The following TRMT2B variants were observed in gnomAD, a reference collection of about 807,000 sequenced individuals.
TRMT2B encodes tRNA (uracil-5-)-methyltransferase homolog B.
A neutral mutation model predicts 39.7 loss-of-function variants in TRMT2B; 34 were observed. The ratio of observed to expected loss-of-function variants is 0.86; its 90% CI spans 0.65 to 1.14. The LOEUF (loss-of-function observed/expected upper bound fraction) is 1.14, where lower values mean the gene tolerates loss of function less well. Among genes scored for constraint, TRMT2B ranks in the 50% most tolerant of loss-of-function variants. TRMT2B has a pLI of 0.00. For synonymous variants in TRMT2B, 132 were observed against 137.3 expected (o/e 0.96, Z 0.27); for missense variants, 318 against 377.2 (o/e 0.84, Z 1.30).
At chrX:100,990,342 T>A in the TRMT2B span, 1 of 924,057 alleles carries the variant, frequency 1.1e-6, no homozygotes, top group Non-Finnish European at 1.3e-6. Flanking sequence ...ACAGAGAAAG[T>A]AAAAGAAAGT....
chrX:100,997,214 C>T, the TRMT2B span, among the ~76,000 whole-genome samples: 427 of 111,812 alleles, frequency 3.8e-3, 2 homozygotes, highest in African/African-American at 0.013. Context: ...AGCTTTCAAT[C>T]AGTATATTTA....
At chrX:100,976,763 T>C in the TRMT2B span, among the ~76,000 whole-genome samples, 3 of 112,305 alleles carry the variant, frequency 2.7e-5, no homozygotes, top group Admixed American at 2.8e-4. Context: ...AGGCATGTGC[T>C]AACTTTTTGT....
chrX:101,033,780 G>T (rs181956843), intron 7 of TRMT2B, among the ~76,000 whole-genome samples: 840 of 110,099 alleles, frequency 7.6e-3, no homozygotes, highest in Non-Finnish European at 0.011. Context: ...GCAGAACAAT[G>T]TATACAGTAG....
chrX:101,021,994 G>A lies in TRMT2B; in HGVS notation c.825C>T (p.Gly275=). 1 of 1,210,078 alleles carries A rather than the reference G, an allele frequency of 8.3e-7. No homozygotes were observed. ...FFIRGPGAAC[G]LTSLYFQEST... is the part of the protein sequence containing the mutation. ...TTTCCTGGAAGTAAAGTGAGGTCAA[G>A]CCACAGGCTGCTCCAGGACCTCTGA... Residue 275 remains glycine (G), a synonymous_variant, in exon 9 of 14, where the codon GGC becomes GGT. Coordinates refer to ENST00000372936, the MANE Select transcript of TRMT2B (RefSeq NM_024917.6).
the TRMT2B span, chrX:100,988,072 GCT>G: frequency 3.8e-6 from 2 of 519,866 alleles, no homozygotes; most frequent in Non-Finnish European, 6.4e-6. Context: ...ACATCCTCTT[GCT>G]CTGTTGTCAC....
At chrX:101,001,847 AG>A in the TRMT2B span, among the ~76,000 whole-genome samples, 1 of 104,258 alleles carries the variant, frequency 9.6e-6, no homozygotes, top group South Asian at 4.3e-4. Flanking sequence ...AAAAAAAAGC[AG>A]GGGGAAACAA....
chrX:101,045,767 C>T (rs1457760851), intron 2 of TRMT2B, among the ~76,000 whole-genome samples: 1 of 109,371 alleles, frequency 9.1e-6, no homozygotes. Context: ...CACTGCATTC[C>T]AGCCTAGGTG....
At chrX:100,990,586 T>G in the TRMT2B span, 1 of 1,159,789 alleles carries the variant, frequency 8.6e-7, no homozygotes, top group Non-Finnish European at 1.2e-6. Context: ...CTATACTCAC[T>G]GAGAGGCTCA....
chrX:101,024,437 T>A (rs2086956695), intron 7 of TRMT2B, among the ~76,000 whole-genome samples: 1 of 112,045 alleles, frequency 8.9e-6, no homozygotes, highest in South Asian at 3.7e-4. Flanking sequence ...GGCTCAAACC[T>A]GTAATCCTAG....
chrX:100,987,007 C>T, the TRMT2B span: 1 of 474,654 alleles, frequency 2.1e-6, no homozygotes, highest in Admixed American at 4.5e-5. Flanking sequence ...CAAAGTCTCT[C>T]CCTGTCAGGC....
At chrX:101,023,723 A>G (rs2086909915) in intron 7 of TRMT2B, 107 bp from the exon 8 acceptor site, 1 of 810,000 alleles carries the variant, frequency 1.2e-6, no homozygotes, top group Non-Finnish European at 1.7e-6. Context: ...AAAAATTCCT[A>G]TGTTGAAGCC....
At chrX:100,990,989 T>A in the TRMT2B span, among the ~76,000 whole-genome samples, 25 of 111,604 alleles carry the variant, frequency 2.2e-4, no homozygotes, top group African/African-American at 8.1e-4. Context: ...TGCAAAAAAA[T>A]GTAGGCACTT....
At chrX:100,992,451 C>T in the TRMT2B span, among the ~76,000 whole-genome samples, 2 of 110,511 alleles carry the variant, frequency 1.8e-5, no homozygotes, top group Non-Finnish European at 1.9e-5. Flanking sequence ...CATGGTGGCA[C>T]GAGCCTGTAA....
chrX:101,019,545 C>G lies in TRMT2B; in HGVS notation c.1169-142G>C, dbSNP rs1602537280. Reference sequence around the variant, plus strand: ...ACTCCAAGTAACAAGGAAAGAAGTGCTTTTGGACAGACCCACTTCATTTTT... The same window carrying G: ...ACTCCAAGTAACAAGGAAAGAAGTGGTTTTGGACAGACCCACTTCATTTTT... On this transcript the variant is annotated intron_variant, in intron 11 of 13. Coordinates refer to ENST00000372936, the MANE Select transcript of TRMT2B (RefSeq NM_024917.6). 2.5e-5 allele frequency: 19 copies of G among 746,663 alleles called. No individual in the cohort carries two copies. In the East Asian group the frequency reaches 6.4e-4, roughly 25 times the overall value. The allele number at this position is 746,663 out of a possible 1,213,427, so 61.5% of individuals were successfully genotyped here. A position where few individuals can be genotyped will look rare whatever the true frequency, so the allele number is the denominator to read the frequency against.
chrX:101,021,307 G>A lies in TRMT2B; in HGVS notation c.860C>T (p.Thr287Ile). Residue 287 changes from threonine (T) to isoleucine (I), a missense_variant, in exon 10 of 14, where the codon ACC becomes ATC. Transcript: ENST00000372936. Reference protein sequence around the residue: ...TSLYFQESTMTRCSHQQSPYQ... With the variant: ...TSLYFQESTMIRCSHQQSPYQ... ...GGGAGACTGCTGATGGCTGCAACGG[G>A]TCATGGTACTGGAAAGGAATAAAAG... is the stretch of plus-strand genomic sequence containing the variant. 1 of 1,206,018 alleles carries A rather than the reference G, an allele frequency of 8.3e-7. No individual in the cohort carries two copies. Among genetic ancestry groups the A allele is most frequent in the Non-Finnish European group, 1.1e-6 (1 of 891,786 alleles).
chrX:101,004,461 C>G (rs1278747990), downstream of TRMT2B, among the ~76,000 whole-genome samples: 2 of 110,812 alleles, frequency 1.8e-5, no homozygotes, highest in African/African-American at 3.3e-5. Context: ...GCCCACAGAC[C>G]ACTTAAGTAT....
At chrX:100,996,679 T>C in the TRMT2B span, among the ~76,000 whole-genome samples, 1 of 111,517 alleles carries the variant, frequency 9.0e-6, no homozygotes, top group Non-Finnish European at 1.9e-5. Flanking sequence ...GCCGACCAAA[T>C]AAGTCTAAGA....
rs1279839699 is a variant in TRMT2B, at chrX:101,051,948, C to A, written c.-638G>T. 1.7e-5 allele frequency: 2 copies of A among 114,564 alleles called. No homozygotes were observed. Among genetic ancestry groups the A allele is most frequent in the East Asian group, 5.7e-4 (2 of 3,522 alleles). 9.4% of individuals were successfully genotyped at this position (114,564 alleles called of 1,213,427 possible). A position where few individuals can be genotyped will look rare whatever the true frequency, so the allele number is the denominator to read the frequency against. The stretch of plus-strand genomic sequence containing the variant: ...AACCCTTGGCAAGCGCGGCGGGACA[C>A]GGGGCTCCTCCCAGCGTCGGCGAGG... On this transcript the variant is annotated 5_prime_UTR_variant, in exon 1 of 14. Coordinates refer to ENST00000372936, the MANE Select transcript of TRMT2B (RefSeq NM_024917.6).
Position 101,009,934 on chromosome X carries a change from A to C in TRMT2B, c.*647T>G, listed in dbSNP as rs940133188. The C allele has an allele frequency of 9.1e-6, 1 of 109,985 alleles. No individual in the cohort carries two copies. The highest frequency in any genetic ancestry group is 1.9e-5 in the Non-Finnish European group (1 of 52,907). 9.1% of individuals were successfully genotyped at this position (109,985 alleles called of 1,213,427 possible). A position where few individuals can be genotyped will look rare whatever the true frequency, so the allele number is the denominator to read the frequency against. On this transcript the variant is annotated 3_prime_UTR_variant, in exon 14 of 14. Coordinates refer to ENST00000372936, the MANE Select transcript of TRMT2B (RefSeq NM_024917.6). Reference sequence around the variant, plus strand: ...CAAATGCACAGGCTCCAGTCAATGTAAAATTATTACCAGCTGCTTAAAAAA... The same window carrying C: ...CAAATGCACAGGCTCCAGTCAATGTCAAATTATTACCAGCTGCTTAAAAAA...
Sources: allele counts gnomAD v4.1 joint callset (sites outside exome capture counted in the v4.1 genomes callset), GRCh38; gene constraint gnomAD v4.1.1; transcripts MANE v1.5; gene names NCBI Gene and HGNC (gene_info 2026-07-23, HGNC 2026-07-21).